Variants in DRC3 observed in about 807,000 individuals in gnomAD.
DRC3 encodes the protein dynein regulatory complex subunit 3, also known as leucine rich repeat containing 48.
DRC3 carries 45 observed loss-of-function variants against 57.6 expected under a neutral mutation model. The ratio of observed to expected loss-of-function variants is 0.78; its 90% CI spans 0.62 to 1.00. DRC3 has a LOEUF of 1.00. Ranked by LOEUF, DRC3 falls within the 50% of genes least tolerant of loss-of-function variation. The probability of loss-of-function intolerance (pLI) is 0.00; values close to 1 mark genes in which losing one functional copy is unlikely to be tolerated. For missense variants in DRC3, 655 were observed against 675.2 expected (o/e 0.97, Z 0.33); for synonymous variants, 257 against 272.3 (o/e 0.94, Z 0.55).
In DRC3 at chr17:18,007,150, A is replaced by C; in HGVS notation, c.1326+3A>C. ...ACCTGCCTAACGACCTGCGCGCGGT[A>C]GGCGGGGCGGGCTGCTCGGAGCCTG... On this transcript the variant is annotated splice_donor_region_variant and intron_variant, in intron 12 of 13. Transcript: ENST00000399187. 3 of 788,514 alleles carry C rather than the reference A, an allele frequency of 3.8e-6. No homozygotes were observed. Among genetic ancestry groups the C allele is most frequent in the Non-Finnish European group, 5.0e-6 (3 of 596,724 alleles). 48.8% of individuals were successfully genotyped at this position (788,514 alleles called of 1,614,324 possible).
chr17:18,007,656 T>G, intron 12 of DRC3: 1 of 1,373,286 alleles, frequency 7.3e-7, no homozygotes. Flanking sequence ...CCCTGGGGTC[T>G]GCACGCTAAG....
chr17:17,973,161 C>T (rs1430374824), intron 1 of DRC3, 187 bp downstream of exon 1: 6 of 150,064 alleles, frequency 4.0e-5, no homozygotes, highest in East Asian at 1.9e-4. Flanking sequence ...TAGTCCTGGG[C>T]TTGTCAAGCT....
Position 18,006,234 on chromosome 17 carries a change from A to G in DRC3, c.1183A>G (p.Ile395Val). 1.2e-6 allele frequency: 2 copies of G among 1,611,798 alleles called. No homozygotes were observed. Among genetic ancestry groups the G allele is most frequent in the Non-Finnish European group, 1.7e-6 (2 of 1,178,434 alleles). The change falls in exon 11 of 14, where the codon ATC becomes GTC. Residue 395 changes from isoleucine to valine, a missense_variant. Coordinates refer to ENST00000399187, the MANE Select transcript of DRC3 (RefSeq NM_031294.4). ...CATTGTTGACATGGTAGGACTGTTT[A>G]TCGAAAATGTCCAAAGCCTATATCC... ...RNIVDMVGLF[I>V]ENVQSLMAQC...
chr17:18,001,435 G>A (rs1274179380), intron 9 of DRC3, among the ~76,000 whole-genome samples: 2 of 152,140 alleles, frequency 1.3e-5, no homozygotes, highest in African/African-American at 4.8e-5. Flanking sequence ...CCCAGGAGGT[G>A]GAGGTTGCAG....
chr17:18,007,686 G>A, intron 12 of DRC3: 1 of 1,333,570 alleles, frequency 7.5e-7, no homozygotes, highest in Non-Finnish European at 9.6e-7. Flanking sequence ...CCGGATGTCT[G>A]CGCTGGGTCC....
Position 17,983,827 on chromosome 17 carries a change from G to C in DRC3, c.161-1G>C. 2 of 1,607,952 alleles carry C rather than the reference G, an allele frequency of 1.2e-6. No homozygotes were observed. Among genetic ancestry groups the C allele is most frequent in the Non-Finnish European group, 1.7e-6 (2 of 1,174,974 alleles). ...ACTGAAATCACCTTCCATTATTTCA[G>C]ACATCCTCCGCATAGACAACCTCTG... On this transcript the variant is annotated splice_acceptor_variant, in intron 3 of 13. Transcript: ENST00000399187. LOFTEE classifies it high-confidence loss of function.
rs762614956 is a variant in DRC3, at chr17:18,006,184, AG to A, written c.1134del (p.Thr379LeufsTer2). 6.2e-7 allele frequency: 1 copy of A among 1,608,542 alleles called. No homozygotes were observed. Among genetic ancestry groups the A allele is most frequent in the East Asian group, 2.2e-5 (1 of 44,868 alleles). On this transcript the variant is annotated frameshift_variant and splice_region_variant, in exon 11 of 14. Coordinates refer to ENST00000399187, the MANE Select transcript of DRC3 (RefSeq NM_031294.4). LOFTEE classifies it high-confidence loss of function. The stretch of plus-strand genomic sequence containing the variant: ...AACTGTGTTCTTTAACATTTCCAGG[AG>A]ACTATAAACATGTTTGAAAGGAACA... Reference protein sequence around the residue: ...LEMQLVEQLEETINMFERNIV... With the variant: ...LEMQLVEQLEXTINMFERNIV...
chr17:17,976,227 C>G (rs977637971), intron 2 of DRC3, among the ~76,000 whole-genome samples: 1 of 152,160 alleles, frequency 6.6e-6, no homozygotes, highest in Non-Finnish European at 1.5e-5. Context: ...GGGAAAATAT[C>G]CCTCCTGGAT....
chr17:18,007,303 G>A, intron 12 of DRC3, 156 bp downstream of exon 12: 1 of 1,286,804 alleles, frequency 7.8e-7, no homozygotes, highest in South Asian at 1.3e-5. Flanking sequence ...GTTGCTGGCA[G>A]ATAAAATAGG....
intron 11 of DRC3, chr17:18,006,621 C>T (rs1479271729): frequency 5.5e-6 from 2 of 362,926 alleles, no homozygotes; most frequent in South Asian, 3.2e-5. Context: ...TTCTTCCACC[C>T]GAACTCAGGG....
intron 9 of DRC3, among the ~76,000 whole-genome samples, chr17:17,998,660 C>T (rs1324399012): frequency 6.6e-6 from 1 of 152,138 alleles, no homozygotes; most frequent in African/African-American, 2.4e-5. Flanking sequence ...TGGTGATCCA[C>T]TCCCATGTGC....
At chr17:17,983,998 G>T in intron 4 of DRC3, 54 bp downstream of exon 4, 2 of 1,137,906 alleles carry the variant, frequency 1.8e-6, no homozygotes, top group South Asian at 2.6e-5. Context: ...ACCCTGACAA[G>T]GTTATTGCCT....
intron 3 of DRC3, among the ~76,000 whole-genome samples, chr17:17,983,094 C>G (rs2042787856): frequency 6.6e-6 from 1 of 152,172 alleles, no homozygotes; most frequent in Non-Finnish European, 1.5e-5. Context: ...CTCTGGCTTA[C>G]CTAGCAAACA....
chr17:18,014,594 C>T (rs191532829), intron 12 of DRC3, among the ~76,000 whole-genome samples: 1 of 152,314 alleles, frequency 6.6e-6, no homozygotes, highest in African/African-American at 2.4e-5. Flanking sequence ...AAGCAGATTT[C>T]AGTTTCTGTT....
intron 9 of DRC3, among the ~76,000 whole-genome samples, chr17:18,003,042 G>T (rs1274918385): frequency 6.6e-6 from 1 of 152,204 alleles, no homozygotes; most frequent in African/African-American, 2.4e-5. Context: ...GTTGGACAGA[G>T]AGTAGTGAAT....
chr17:17,978,099 G>C lies in DRC3; in HGVS notation c.160+341G>C, dbSNP rs1011524771. On this transcript the variant is annotated intron_variant, in intron 3 of 13. Coordinates refer to ENST00000399187, the MANE Select transcript of DRC3 (RefSeq NM_031294.4). ...TCCTTGGAGTGGGGGTCCCTGGCAG[G>C]CAGAGCCTAGGAAGTCCCACGTAGC... 4 of 188,228 alleles carry C rather than the reference G, an allele frequency of 2.1e-5. No individual in the cohort carries two copies. In the East Asian group the frequency reaches 4.4e-4, roughly 21 times the overall value. 11.7% of individuals were successfully genotyped at this position (188,228 alleles called of 1,614,324 possible). A position where few individuals can be genotyped will look rare whatever the true frequency, so the allele number is the denominator to read the frequency against.
At chr17:17,991,876 C>T (rs1322652776) in intron 5 of DRC3, among the ~76,000 whole-genome samples, 1 of 152,172 alleles carries the variant, frequency 6.6e-6, no homozygotes, top group African/African-American at 2.4e-5. Context: ...TGCAGTGGCT[C>T]ACGCCTGTAA....
chr17:17,980,250 T>G lies in DRC3; in HGVS notation c.160+2492T>G, dbSNP rs138752151. On this transcript the variant is annotated intron_variant, in intron 3 of 13. Transcript: ENST00000399187. ...ACGGCAGCTGGACTGTATGTTTTTTTTTTGTTTGTTTGTTTGTTTTGTTTT... is the reference window on the plus strand; with the variant it reads ...ACGGCAGCTGGACTGTATGTTTTTTGTTTGTTTGTTTGTTTGTTTTGTTTT... Among the ~76,000 whole-genome samples the G allele has an allele frequency of 6.5e-3, 992 of 152,074 alleles. 6 individuals carry two copies. Among genetic ancestry groups the G allele is most frequent in the African/African-American group, 0.019 (796 of 41,488 alleles).
intron 3 of DRC3, 90 bp downstream of exon 3, chr17:17,977,848 G>T (rs1194805685): frequency 7.2e-7 from 1 of 1,388,022 alleles, no homozygotes; most frequent in Non-Finnish European, 9.6e-7. Context: ...TCCATGCAAA[G>T]TCCACGGTCG....
Sources: gnomAD v4.1 joint callset for allele counts (sites outside exome capture counted in the v4.1 genomes callset) on GRCh38, gnomAD v4.1.1 for gene constraint, MANE v1.5 for transcripts, NCBI Gene and HGNC (gene_info 2026-07-23, HGNC 2026-07-21) for gene names.